Variants in MAP3K19 observed in about 807,000 individuals in gnomAD.
MAP3K19 encodes the protein SPS1/STE20-related protein kinase YSK4.
A neutral mutation model predicts 114.4 loss-of-function variants in MAP3K19; 91 were observed. That is an observed-to-expected ratio of 0.80 (90% CI 0.67 to 0.95). MAP3K19 has a LOEUF of 0.95. MAP3K19 is among the 40% of genes least tolerant of loss of function. MAP3K19 has a pLI of 0.00. For synonymous variants in MAP3K19, 518 were observed against 530.5 expected (o/e 0.98, Z 0.32); for missense variants, 1,471 against 1,573.2 (o/e 0.94, Z 1.10).
intron 12 of MAP3K19, 92 bp downstream of exon 12, chr2:134,980,727 CAG>C: frequency 8.5e-7 from 1 of 1,174,108 alleles, no homozygotes. Context: ...ATAACCAAAA[CAG>C]AGCTTTTAAT....
At chr2:135,032,400 G>T (rs982721475) in intron 2 of MAP3K19, among the ~76,000 whole-genome samples, 3 of 149,326 alleles carry the variant, frequency 2.0e-5, no homozygotes, top group East Asian at 2.0e-4. Context: ...CAGTCTGTCA[G>T]TTCCTCAAAT....
chr2:134,974,067 T>C (rs535209999), intron 12 of MAP3K19, among the ~76,000 whole-genome samples: 2 of 152,332 alleles, frequency 1.3e-5, no homozygotes, highest in South Asian at 4.1e-4. Context: ...AAAGGCACAA[T>C]CTCGGCTCAC....
intron 4 of MAP3K19, among the ~76,000 whole-genome samples, chr2:135,022,772 T>G (rs188367717): frequency 6.6e-6 from 1 of 152,220 alleles, no homozygotes; most frequent in Non-Finnish European, 1.5e-5. Flanking sequence ...TCACTTCAAA[T>G]GTTTGGGATT....
At chr2:134,970,743 G>A (rs993107472) in intron 12 of MAP3K19, among the ~76,000 whole-genome samples, 5 of 151,824 alleles carry the variant, frequency 3.3e-5, no homozygotes, top group African/African-American at 1.2e-4. Flanking sequence ...GACTACAGGT[G>A]CCCGCCACCA....
At chr2:135,034,858 G>A (rs1350925952) in intron 2 of MAP3K19, among the ~76,000 whole-genome samples, 3 of 31,904 alleles carry the variant, frequency 9.4e-5, no homozygotes, top group South Asian at 1.5e-3. Flanking sequence ...GGAGGGGGAG[G>A]GGGAGAGGGA....
At chr2:135,038,931 C>T (rs971730393) in intron 2 of MAP3K19, among the ~76,000 whole-genome samples, 1 of 151,670 alleles carries the variant, frequency 6.6e-6, no homozygotes, top group Non-Finnish European at 1.5e-5. Context: ...CAGGAAAAAG[C>T]AAGTAATTAC....
At chr2:135,003,814 A>C (rs1317142304) in intron 6 of MAP3K19, among the ~76,000 whole-genome samples, 1 of 152,222 alleles carries the variant, frequency 6.6e-6, no homozygotes, top group African/African-American at 2.4e-5. Context: ...TTGGCCTCCC[A>C]AAGTGCTGGG....
chr2:134,988,023 G>A lies in MAP3K19; in HGVS notation c.849C>T (p.Phe283=), dbSNP rs1042597746. 7.4e-6 allele frequency: 12 copies of A among 1,613,850 alleles called. No homozygotes were observed. Among genetic ancestry groups the A allele is most frequent in the Non-Finnish European group, 1.0e-5 (12 of 1,179,954 alleles). Residue 283 remains phenylalanine (F), a synonymous_variant, in exon 10 of 13, where the codon TTC becomes TTT. Coordinates refer to ENST00000392915, the MANE Select transcript of MAP3K19 (RefSeq NM_025052.5). ...AAGAGCACATGTTTCTTGACCAAAT[G>A]AAGCCATCAGAAGACCTGAGAGTCG... ...MDPTLRSSDG[F]IWSRNMCSFP... is the part of the protein sequence containing the mutation.
At chr2:135,019,952 G>A (rs1050627975) in intron 5 of MAP3K19, among the ~76,000 whole-genome samples, 7 of 152,136 alleles carry the variant, frequency 4.6e-5, no homozygotes, top group Non-Finnish European at 1.0e-4. Context: ...CCAGGGCCAC[G>A]AGGAGGCACC....
intron 9 of MAP3K19, among the ~76,000 whole-genome samples, chr2:134,988,995 G>A (rs60126223): frequency 0.06 from 9,193 of 152,068 alleles, 781 homozygotes; most frequent in East Asian, 0.37. Context: ...ATTCATATCC[G>A]AAACACAACT....
intron 5 of MAP3K19, among the ~76,000 whole-genome samples, chr2:135,019,355 T>C (rs1687815282): frequency 6.6e-6 from 1 of 152,232 alleles, no homozygotes; most frequent in South Asian, 2.1e-4. Context: ...ATACCTAGAA[T>C]ATATAAAGGC....
At chr2:135,020,686 A>G (rs549623360) in intron 5 of MAP3K19, among the ~76,000 whole-genome samples, 1 of 152,314 alleles carries the variant, frequency 6.6e-6, no homozygotes, top group Admixed American at 6.5e-5. Flanking sequence ...AGGTGATTGG[A>G]TCATGGGGGC....
At chr2:135,034,580 C>T (rs1218898956) in intron 2 of MAP3K19, among the ~76,000 whole-genome samples, 2 of 132,310 alleles carry the variant, frequency 1.5e-5, no homozygotes, top group East Asian at 2.2e-4. Flanking sequence ...CCGAGGCTGG[C>T]GGATCACTCG....
At chr2:134,990,201 G>A (rs1685461534) in intron 9 of MAP3K19, among the ~76,000 whole-genome samples, 1 of 152,124 alleles carries the variant, frequency 6.6e-6, no homozygotes, top group African/African-American at 2.4e-5. Context: ...GCTACTCTAG[G>A]AACTATATGT....
chr2:135,002,609 A>T (rs1041347789), intron 6 of MAP3K19, among the ~76,000 whole-genome samples: 1 of 124,506 alleles, frequency 8.0e-6, no homozygotes, highest in African/African-American at 4.5e-5. Context: ...CTCAACACAG[A>T]CTTTAAAAAA....
At chr2:135,025,057 T>A (rs1688198766) in intron 3 of MAP3K19, among the ~76,000 whole-genome samples, 1 of 152,068 alleles carries the variant, frequency 6.6e-6, no homozygotes, top group Non-Finnish European at 1.5e-5. Flanking sequence ...GATAAAAACA[T>A]CTTTTGTTGT....
At position 134,986,831 on chromosome 2, in the gene MAP3K19, C is replaced by T; in HGVS notation, c.2041G>A (p.Glu681Lys). 1 of 1,614,192 alleles carries T rather than the reference C, an allele frequency of 6.2e-7. No homozygotes were observed. The highest frequency in any genetic ancestry group is 8.5e-7 in the Non-Finnish European group (1 of 1,180,028). Residue 681 changes from glutamate (E) to lysine (K), a missense_variant, in exon 10 of 13, where the codon GAA becomes AAA. By Grantham distance (56) the Glu-to-Lys change is moderately conservative. Transcript: ENST00000392915. ...YCHVRETERD[E>K]NTYYREICSA... The stretch of plus-strand genomic sequence containing the variant: ...CATATCTCACGGTAATACGTGTTTT[C>T]ATCCCTTTCAGTCTCTCGCACATGA...
At chr2:135,043,308 G>C (rs1688682210) in intron 1 of MAP3K19, among the ~76,000 whole-genome samples, 1 of 152,150 alleles carries the variant, frequency 6.6e-6, no homozygotes, top group African/African-American at 2.4e-5. Context: ...CAAAGAAATG[G>C]TGGCCTTAGC....
At chr2:134,990,082 CA>C (rs35382282) in intron 9 of MAP3K19, among the ~76,000 whole-genome samples, 263 of 134,320 alleles carry the variant, frequency 2.0e-3, no homozygotes, top group Non-Finnish European at 2.0e-3. Flanking sequence ...GACTCTGTCT[CA>C]AAAAAAAAAA....
Sources: gnomAD v4.1 joint callset for allele counts (sites outside exome capture counted in the v4.1 genomes callset) on GRCh38, gnomAD v4.1.1 for gene constraint, MANE v1.5 for transcripts, NCBI Gene and HGNC (gene_info 2026-07-23, HGNC 2026-07-21) for gene names.